Variants in PTPRG observed in about 807,000 individuals in gnomAD.
PTPRG encodes the protein protein tyrosine phosphatase receptor type G.
In PTPRG, 102 loss-of-function variants were observed where a neutral mutation model predicts 165.3. The observed-to-expected ratio is 0.62, with a 90% CI of 0.53 to 0.73. The LOEUF is 0.73. Among genes scored for constraint, PTPRG ranks in the 30% least tolerant of loss-of-function variants. The pLI is 0.00. For missense variants in PTPRG, 1,866 were observed against 1,861.4 expected (o/e 1.00, Z -0.05); for synonymous variants, 675 against 669.5 (o/e 1.01, Z -0.13).
chr3:62,265,843 TACATACACAC>T (rs1701847549), intron 17 of PTPRG, among the ~76,000 whole-genome samples: 1 of 117,132 alleles, frequency 8.5e-6, no homozygotes. Flanking sequence ...TATACATACA[TACATACACAC>T]ACACACACAC....
At chr3:62,267,954 T>C in intron 19 of PTPRG, 135 bp downstream of exon 19, 1 of 1,020,808 alleles carries the variant, frequency 9.8e-7, no homozygotes, top group Non-Finnish European at 1.4e-6. Context: ...CTGCTTTATC[T>C]TGCTTATGAT....
At chr3:61,697,281 T>A (rs1368556719) in intron 1 of PTPRG, among the ~76,000 whole-genome samples, 1 of 152,100 alleles carries the variant, frequency 6.6e-6, no homozygotes, top group Non-Finnish European at 1.5e-5. Context: ...CGAAGTCTCA[T>A]ACTTCGGCAT....
chr3:61,997,205 T>G (rs756700347), intron 3 of PTPRG, among the ~76,000 whole-genome samples: 45 of 152,234 alleles, frequency 3.0e-4, no homozygotes, highest in Non-Finnish European at 5.0e-4. Flanking sequence ...ACTGGATTAC[T>G]GCTATCAGCT....
Position 62,271,839 on chromosome 3 carries a change from C to T in PTPRG, c.3182+284C>T, listed in dbSNP as rs141251796. ...GCATGGAGGCCAACTCCTGTAATCC[C>T]AGCACTTTGGGAGGCTGAGGTGGGT... On this transcript the variant is annotated intron_variant, in intron 21 of 29. Transcript: ENST00000474889. This position sits in a 1 kb window ranked among gnomAD's most constrained non-coding sequence, Gnocchi z 4.1. 0.012 allele frequency among the ~76,000 whole-genome samples: 1,889 copies of T among 152,264 alleles called. 38 individuals carry two copies. Among genetic ancestry groups the T allele is most frequent in the African/African-American group, 0.043 (1,794 of 41,550 alleles).
At chr3:61,993,902 C>G (rs768138212) in intron 3 of PTPRG, among the ~76,000 whole-genome samples, 1 of 152,018 alleles carries the variant, frequency 6.6e-6, no homozygotes, top group Non-Finnish European at 1.5e-5. Context: ...CAGACAGTAA[C>G]TCTCCCATAA....
intron 4 of PTPRG, among the ~76,000 whole-genome samples, chr3:62,012,886 T>C (rs934025595): frequency 6.6e-6 from 1 of 152,232 alleles, no homozygotes; most frequent in African/African-American, 2.4e-5. Context: ...TCAGCACTTA[T>C]GCCTAGAGCT....
chr3:61,960,224 G>C (rs2040120486), intron 2 of PTPRG, among the ~76,000 whole-genome samples: 1 of 151,732 alleles, frequency 6.6e-6, no homozygotes, highest in Non-Finnish European at 1.5e-5. Context: ...TGTTCATCTT[G>C]GATCTCGGTG....
At chr3:61,802,470 A>G (rs1452277641) in intron 2 of PTPRG, among the ~76,000 whole-genome samples, 8 of 152,222 alleles carry the variant, frequency 5.3e-5, no homozygotes, top group Non-Finnish European at 1.0e-4. Context: ...CATTAATACA[A>G]TGTGCTACAG....
intron 5 of PTPRG, among the ~76,000 whole-genome samples, chr3:62,102,052 G>T (rs576400299): frequency 6.6e-6 from 1 of 151,652 alleles, no homozygotes; most frequent in Non-Finnish European, 1.5e-5. Flanking sequence ...GTATTTGCTC[G>T]TATCTTCCCC....
At chr3:62,105,540 A>T (rs1995759) in intron 5 of PTPRG, among the ~76,000 whole-genome samples, 108,806 of 152,064 alleles carry the variant, frequency 0.72, 39,260 homozygotes, top group Middle Eastern at 0.79. Flanking sequence ...TCACCTCCTT[A>T]CAGATAAGAT....
intron 1 of PTPRG, among the ~76,000 whole-genome samples, chr3:61,661,122 G>T (rs1702650791): frequency 1.3e-5 from 2 of 150,866 alleles, no homozygotes; most frequent in South Asian, 4.2e-4. Flanking sequence ...TGTCCAGGCT[G>T]AGTGCAGTGG....
In PTPRG at chr3:62,203,806, G is replaced by C; in HGVS notation, c.2011G>C (p.Val671Leu). The change falls in exon 12 of 30, where the codon GTC (valine) becomes CTC (leucine). Residue 671 changes from valine (V) to leucine (L), a missense_variant. Physicochemically the swap from Val to Leu is conservative, Grantham distance 32 (BLOSUM62 1). Coordinates refer to ENST00000474889, the MANE Select transcript of PTPRG (RefSeq NM_002841.4). This position sits in a 1 kb window ranked among gnomAD's most constrained non-coding sequence, Gnocchi z 6.4. ...CGGCCCAGGCCTGGACCCCGACATG[G>C]TCACCTCCACCCAAGTGCCCCCCAC... ...DAGPGLDPDM[V>L]TSTQVPPTAT... is the part of the protein sequence containing the mutation. 6.2e-7 allele frequency: 1 copy of C among 1,613,892 alleles called. No homozygotes were observed. The highest frequency in any genetic ancestry group is 1.1e-5 in the South Asian group (1 of 91,022).
intron 1 of PTPRG, among the ~76,000 whole-genome samples, chr3:61,713,318 G>A (rs1316659968): frequency 6.7e-6 from 1 of 150,104 alleles, no homozygotes; most frequent in African/African-American, 2.4e-5. Flanking sequence ...GTGAGACCAC[G>A]CTCAGCTAAT....
chr3:61,773,840 T>A lies in PTPRG; in HGVS notation c.190+24858T>A, dbSNP rs181550536. 9.9e-4 allele frequency among the ~76,000 whole-genome samples: 150 copies of A among 151,938 alleles called. 2 individuals carry two copies. The highest frequency in any genetic ancestry group is 3.8e-4 in the Non-Finnish European group (26 of 67,962). ...CCCAGGCTGGAGTACAGTGGTGTGATCTTGGCTCACCACAACCTCCGTCCC... is the reference window on the plus strand; with the variant it reads ...CCCAGGCTGGAGTACAGTGGTGTGAACTTGGCTCACCACAACCTCCGTCCC... On this transcript the variant is annotated intron_variant, in intron 2 of 29. Transcript: ENST00000474889.
intron 6 of PTPRG, among the ~76,000 whole-genome samples, chr3:62,141,167 A>G (rs917744114): frequency 6.6e-6 from 1 of 152,210 alleles, no homozygotes; most frequent in African/African-American, 2.4e-5. Flanking sequence ...TGGCAAGGAT[A>G]TGAATGCAGG....
In PTPRG at chr3:62,282,778, C is replaced by T; in HGVS notation, c.3964C>T (p.Pro1322Ser). 6.2e-7 allele frequency: 1 copy of T among 1,612,656 alleles called. No homozygotes were observed. Among genetic ancestry groups the T allele is most frequent in the Non-Finnish European group, 8.5e-7 (1 of 1,179,218 alleles). ...RHFQCPKWPN[P>S]DAPISSTFEL... is the part of the protein sequence containing the mutation. ...CTTTCAGTGTCCCAAATGGCCTAAC[C>T]CAGATGCCCCCATAAGTAGTACCTT... The change falls in exon 28 of 30, where the codon CCA becomes TCA. Residue 1322 changes from proline to serine, a missense_variant. By Grantham distance (74) the Pro-to-Ser change is moderately conservative. Coordinates refer to ENST00000474889, the MANE Select transcript of PTPRG (RefSeq NM_002841.4).
At chr3:61,660,799 G>A (rs1327465635) in intron 1 of PTPRG, among the ~76,000 whole-genome samples, 1 of 152,068 alleles carries the variant, frequency 6.6e-6, no homozygotes, top group Admixed American at 6.5e-5. Flanking sequence ...TCGGGAGTTC[G>A]AGACCAGCCT....
chr3:61,671,421 A>C (rs1258992327), intron 1 of PTPRG, among the ~76,000 whole-genome samples: 2 of 151,852 alleles, frequency 1.3e-5, no homozygotes, highest in South Asian at 2.1e-4. Flanking sequence ...CCCTGAGTGG[A>C]TATAGCACAT....
chr3:62,071,373 C>T (rs1701205226), intron 4 of PTPRG, among the ~76,000 whole-genome samples: 1 of 152,162 alleles, frequency 6.6e-6, no homozygotes, highest in East Asian at 1.9e-4. Context: ...TCCATGATCA[C>T]AGCAACCAGG....
Sources: allele counts gnomAD v4.1 joint callset (sites outside exome capture counted in the v4.1 genomes callset), GRCh38; gene constraint gnomAD v4.1.1; non-coding constraint Gnocchi (gnomAD v3.1); transcripts MANE v1.5; gene names NCBI Gene and HGNC (gene_info 2026-07-23, HGNC 2026-07-21).